Variants in AFAP1 observed in about 807,000 individuals in gnomAD.
The protein encoded by AFAP1 is actin filament-associated protein 1.
A neutral mutation model predicts 93.9 loss-of-function variants in AFAP1; 75 were observed. The observed-to-expected ratio is 0.80, with a 90% CI of 0.66 to 0.97. AFAP1 has a LOEUF of 0.97. Among genes scored for constraint, AFAP1 ranks in the 50% least tolerant of loss-of-function variants. The pLI, the probability that AFAP1 is intolerant of heterozygous loss-of-function variation, is 0.00. For missense variants in AFAP1, 1,201 were observed against 1,050.8 expected (o/e 1.14, Z -1.98); for synonymous variants, 517 against 430.7 (o/e 1.20, Z -2.48).
intron 11 of AFAP1, among the ~76,000 whole-genome samples, chr4:7,793,068 A>C (rs559607979): frequency 2.6e-5 from 4 of 152,340 alleles, no homozygotes; most frequent in Middle Eastern, 3.4e-3. Context: ...GGTTCTGTGG[A>C]CCATACCAAG....
intron 1 of AFAP1, among the ~76,000 whole-genome samples, chr4:7,875,036 T>C (rs1260474448): frequency 1.3e-5 from 2 of 152,216 alleles, no homozygotes; most frequent in Admixed American, 1.3e-4. Context: ...TCTGCTGATG[T>C]AGGCAATTAC....
At chr4:7,915,997 G>T (rs1210720889) in intron 1 of AFAP1, among the ~76,000 whole-genome samples, 1 of 125,128 alleles carries the variant, frequency 8.0e-6, no homozygotes, top group African/African-American at 3.6e-5. Context: ...TCTAGTCCAG[G>T]GCTCATCCCC....
At chr4:7,769,077 TGA>T in intron 16 of AFAP1, 69 bp from the exon 17 acceptor site, 3 of 1,483,320 alleles carry the variant, frequency 2.0e-6, no homozygotes, top group Non-Finnish European at 2.7e-6. Flanking sequence ...AGCAGGAAAA[TGA>T]TTTATTTCAA....
At chr4:7,822,493 T>C (rs1310973861) in intron 6 of AFAP1, among the ~76,000 whole-genome samples, 4 of 152,146 alleles carry the variant, frequency 2.6e-5, no homozygotes, top group Non-Finnish European at 5.9e-5. Flanking sequence ...ACTAAAAGGC[T>C]GTACCCCATA....
chr4:7,819,560 C>G (rs60116284), intron 6 of AFAP1, among the ~76,000 whole-genome samples: 12,999 of 152,146 alleles, frequency 0.085, 1,180 homozygotes, highest in East Asian at 0.49. Context: ...ACCAGGGGGC[C>G]TTATGCAATG....
At chr4:7,897,510 T>C (rs1357761566) in intron 1 of AFAP1, among the ~76,000 whole-genome samples, 1 of 145,798 alleles carries the variant, frequency 6.9e-6, no homozygotes, top group African/African-American at 2.5e-5. Flanking sequence ...CCAGCGCTTG[T>C]TTTTTTTGTT....
intron 1 of AFAP1, among the ~76,000 whole-genome samples, chr4:7,897,876 T>G (rs1301657659): frequency 1.3e-5 from 2 of 152,170 alleles, no homozygotes; most frequent in Non-Finnish European, 2.9e-5. Flanking sequence ...AAATTTAGCA[T>G]GCCCAAAACG....
intron 1 of AFAP1, among the ~76,000 whole-genome samples, chr4:7,904,778 T>C (rs1719308358): frequency 6.6e-6 from 1 of 152,134 alleles, no homozygotes; most frequent in African/African-American, 2.4e-5. Context: ...GCGATGATGG[T>C]TCACTGCAGC....
rs1250876431 is a variant in AFAP1, at chr4:7,816,118, T to C, written c.823-19A>G. 3.1e-6 allele frequency: 5 copies of C among 1,596,702 alleles called. No individual in the cohort carries two copies. In the East Asian group the frequency reaches 6.7e-5, roughly 21 times the overall value. On this transcript the variant is annotated intron_variant, in intron 7 of 17. Transcript: ENST00000420658. Reference sequence around the variant, plus strand: ...ACAGTTTCTGTAAGGAGAAAAAGATTAAGTTATTCTTACAGTGGTCACTTG... The same window carrying C: ...ACAGTTTCTGTAAGGAGAAAAAGATCAAGTTATTCTTACAGTGGTCACTTG...
rs1443305369 is a variant in AFAP1 at position 7,939,450 on chromosome 4, C to G, written c.-3+206G>C. 6.9e-6 allele frequency: 2 copies of G among 290,310 alleles called. No homozygotes were observed. The highest frequency in any genetic ancestry group is 5.5e-5 in the Admixed American group (1 of 18,024). 18.0% of individuals were successfully genotyped at this position (290,310 alleles called of 1,614,324 possible). ...CGGGGAGCTGGGGAGCAGTGGGGAC[C>G]GGCCCCCACCCGCAGGACGACCGGG... On this transcript the variant is annotated intron_variant, in intron 1 of 17. Coordinates refer to ENST00000420658, the MANE Select transcript of AFAP1 (RefSeq NM_001134647.2). This position sits in a 1 kb window ranked among gnomAD's most constrained non-coding sequence, Gnocchi z 5.6.
intron 1 of AFAP1, among the ~76,000 whole-genome samples, chr4:7,921,641 T>C (rs1428949717): frequency 6.6e-6 from 1 of 152,214 alleles, no homozygotes; most frequent in Non-Finnish European, 1.5e-5. Context: ...ACATTTAAAA[T>C]GCGCAGAACC....
rs1713367427 is a variant in AFAP1, at chr4:7,758,796, T to C, written c.*4969A>G. On this transcript the variant is annotated 3_prime_UTR_variant, in exon 18 of 18. Transcript: ENST00000420658. Reference sequence around the variant, plus strand: ...TTACACCACGTGAAACAGTAGAAAATTCAACCAGGAAAGCAGGAAATTCAG... The same window carrying C: ...TTACACCACGTGAAACAGTAGAAAACTCAACCAGGAAAGCAGGAAATTCAG... The C allele has an allele frequency of 6.6e-6, 1 of 152,172 alleles. No homozygotes were observed. Among genetic ancestry groups the C allele is most frequent in the Admixed American group, 6.5e-5 (1 of 15,272 alleles). The allele number at this position is 152,172 out of a possible 1,614,324, so 9.4% of individuals were successfully genotyped here. A position where few individuals can be genotyped will look rare whatever the true frequency, so the allele number is the denominator to read the frequency against.
chr4:7,893,768 C>T (rs1397219102), intron 1 of AFAP1, among the ~76,000 whole-genome samples: 1 of 152,126 alleles, frequency 6.6e-6, no homozygotes, highest in African/African-American at 2.4e-5. Context: ...TGCATTCTAA[C>T]ATGCTCCCAG....
At chr4:7,860,037 G>T (rs1715494522) in intron 3 of AFAP1, among the ~76,000 whole-genome samples, 1 of 152,094 alleles carries the variant, frequency 6.6e-6, no homozygotes, top group South Asian at 2.1e-4. Context: ...CAACTGCTAG[G>T]GAGGCTGAGG....
At chr4:7,879,139 A>T (rs1221601492) in intron 1 of AFAP1, among the ~76,000 whole-genome samples, 1 of 152,194 alleles carries the variant, frequency 6.6e-6, no homozygotes, top group African/African-American at 2.4e-5. Context: ...AGGCTCAGGG[A>T]ACTGGAAAGA....
intron 1 of AFAP1, among the ~76,000 whole-genome samples, chr4:7,925,150 C>G (rs1720657905): frequency 6.6e-6 from 1 of 151,276 alleles, no homozygotes; most frequent in Non-Finnish European, 1.5e-5. Flanking sequence ...ATAGGGTCGG[C>G]CTTCCTTTAT....
intron 1 of AFAP1, among the ~76,000 whole-genome samples, chr4:7,882,518 A>G (rs1419794855): frequency 6.6e-6 from 1 of 152,180 alleles, no homozygotes; most frequent in African/African-American, 2.4e-5. Context: ...AAATTTTAGC[A>G]AACAGAAGCC....
chr4:7,803,678 C>T (rs111577564), intron 9 of AFAP1, among the ~76,000 whole-genome samples: 2 of 152,254 alleles, frequency 1.3e-5, no homozygotes, highest in East Asian at 3.9e-4. Flanking sequence ...CACAGGGGAC[C>T]TGGTCCCGAA....
At chr4:7,843,382 G>A (rs768329395) in intron 4 of AFAP1, 32 bp from the exon 5 acceptor site, 5 of 1,574,706 alleles carry the variant, frequency 3.2e-6, no homozygotes, top group Admixed American at 1.8e-5. Flanking sequence ...TGGTAAAAAG[G>A]ACTTCTTTAC....
Sources: allele counts gnomAD v4.1 joint callset (sites outside exome capture counted in the v4.1 genomes callset), GRCh38; gene constraint gnomAD v4.1.1; non-coding constraint Gnocchi (gnomAD v3.1); transcripts MANE v1.5; gene names NCBI Gene and HGNC (gene_info 2026-07-23, HGNC 2026-07-21).